ATP2B4: variants seen among roughly 807,000 people sequenced by gnomAD.
The protein encoded by ATP2B4 is ATPase plasma membrane Ca2+ transporting 4, also known as plasma membrane calcium-transporting ATPase 4.
A neutral mutation model predicts 110.3 loss-of-function variants in ATP2B4; 39 were observed. The ratio of observed to expected loss-of-function variants is 0.35; its 90% CI spans 0.27 to 0.46. ATP2B4 has a LOEUF of 0.46. Ranked by LOEUF, ATP2B4 falls within the 20% of genes least tolerant of loss-of-function variation. The pLI, the probability that ATP2B4 is intolerant of heterozygous loss-of-function variation, is 1.00. For missense variants in ATP2B4, 1,135 were observed against 1,530.9 expected (o/e 0.74, Z 4.32); for synonymous variants, 538 against 571.7 (o/e 0.94, Z 0.84).
At chr1:203,699,398 C>A in intron 3 of ATP2B4, 62 bp from the exon 4 acceptor site, 1 of 1,592,038 alleles carries the variant, frequency 6.3e-7, no homozygotes, top group South Asian at 1.1e-5. Context: ...GGAAGCACTA[C>A]TCCTATTTCT....
intron 10 of ATP2B4, among the ~76,000 whole-genome samples, chr1:203,708,490 G>A (rs1479121112): frequency 3.3e-5 from 5 of 152,118 alleles, no homozygotes; most frequent in South Asian, 2.1e-4. Flanking sequence ...TACCACTAGA[G>A]CAAACTACAA....
intron 1 of ATP2B4, among the ~76,000 whole-genome samples, chr1:203,628,350 G>A (rs1663153477): frequency 6.6e-6 from 1 of 152,182 alleles, no homozygotes; most frequent in Non-Finnish European, 1.5e-5. Context: ...GGAGGGTGCA[G>A]GAGTGGCCAG....
At chr1:203,719,785 T>C (rs937163665) in intron 15 of ATP2B4, among the ~76,000 whole-genome samples, 10 of 151,740 alleles carry the variant, frequency 6.6e-5, no homozygotes, top group African/African-American at 2.4e-4. Flanking sequence ...CCCCCTTAGA[T>C]AAGTGATACC....
chr1:203,720,808 C>CGGTGTGTTTACTGAAGAG, intron 16 of ATP2B4, 68 bp downstream of exon 16: 1 of 1,512,202 alleles, frequency 6.6e-7, no homozygotes, highest in South Asian at 1.3e-5. Flanking sequence ...GGAGTGAAGA[C>CGGTGTGTTTACTGAAGAG]TACGGTGTGT....
intron 1 of ATP2B4, among the ~76,000 whole-genome samples, chr1:203,632,447 C>T (rs952499642): frequency 4.6e-5 from 7 of 151,520 alleles, no homozygotes; most frequent in South Asian, 2.1e-4. Flanking sequence ...GGGTTCACGC[C>T]ATTCTCCTGC....
chr1:203,634,688 C>A (rs1290229683), intron 1 of ATP2B4, among the ~76,000 whole-genome samples: 1 of 151,734 alleles, frequency 6.6e-6, no homozygotes, highest in Non-Finnish European at 1.5e-5. Flanking sequence ...TTTTTGAGAC[C>A]GGGTCTTGCT....
At position 203,738,268 on chromosome 1, in the gene ATP2B4, G is replaced by A. The variant is rs114957860; in HGVS notation, c.3310-1278G>A. Among the ~76,000 whole-genome samples, 1,114 of 151,806 alleles carry A rather than the reference G, an allele frequency of 7.3e-3. 22 individuals are homozygous for A. Among genetic ancestry groups the A allele is most frequent in the African/African-American group, 0.026 (1,067 of 41,326 alleles). On this transcript the variant is annotated intron_variant, in intron 20 of 20. Coordinates refer to ENST00000357681, the MANE Select transcript of ATP2B4 (RefSeq NM_001684.5). Reference sequence around the variant, plus strand: ...CCCTGGCCCCTCTCTCCAACTTCTCGGAGCTCCAACCCTCTCCCCCTACCC... The same window carrying A: ...CCCTGGCCCCTCTCTCCAACTTCTCAGAGCTCCAACCCTCTCCCCCTACCC...
At chr1:203,696,348 G>C (rs551439274) in intron 2 of ATP2B4, among the ~76,000 whole-genome samples, 1 of 152,114 alleles carries the variant, frequency 6.6e-6, no homozygotes, top group African/African-American at 2.4e-5. Flanking sequence ...TGTAAAGAAG[G>C]CCTCTGGCAT....
At chr1:203,662,127 C>T (rs1664356691) in intron 1 of ATP2B4, among the ~76,000 whole-genome samples, 1 of 151,992 alleles carries the variant, frequency 6.6e-6, no homozygotes, top group Non-Finnish European at 1.5e-5. Context: ...GGTTTCACAC[C>T]ATTCTCCTGC....
chr1:203,630,223 C>A (rs1340955214), intron 1 of ATP2B4, among the ~76,000 whole-genome samples: 1 of 152,132 alleles, frequency 6.6e-6, no homozygotes, highest in African/African-American at 2.4e-5. Flanking sequence ...CTCCCACTAA[C>A]CGGAGGTCCC....
At chr1:203,632,730 C>A (rs1416860658) in intron 1 of ATP2B4, among the ~76,000 whole-genome samples, 1 of 147,276 alleles carries the variant, frequency 6.8e-6, no homozygotes, top group African/African-American at 2.5e-5. Context: ...ACAAAGAAAT[C>A]TTGACCTTTA....
chr1:203,734,303 C>CAA (rs540243669), intron 20 of ATP2B4, among the ~76,000 whole-genome samples: 1 of 126,226 alleles, frequency 7.9e-6, no homozygotes, highest in African/African-American at 3.0e-5. Context: ...GACTCTGTCT[C>CAA]AAAAAAAAAA....
intron 6 of ATP2B4, 124 bp downstream of exon 6, chr1:203,701,047 T>C: frequency 2.3e-6 from 3 of 1,291,668 alleles, no homozygotes; most frequent in Non-Finnish European, 3.1e-6. Flanking sequence ...AAAGCAGATA[T>C]CCAAACTCCT....
intron 2 of ATP2B4, among the ~76,000 whole-genome samples, chr1:203,690,552 A>G (rs897241432): frequency 6.6e-6 from 1 of 152,174 alleles, no homozygotes; most frequent in Non-Finnish European, 1.5e-5. Flanking sequence ...TGTGAGAGGA[A>G]GATGGGCAAC....
Position 203,722,472 on chromosome 1 carries a change from C to A in ATP2B4, c.2813-6C>A. The A allele has an allele frequency of 1.2e-6, 2 of 1,609,044 alleles. No homozygotes were observed. Among genetic ancestry groups the A allele is most frequent in the Non-Finnish European group, 8.5e-7 (1 of 1,175,382 alleles). Reference sequence around the variant, plus strand: ...TAACCTCCAGTGCTTCTCCTCTCCCCACTAGGTGAGAAATTCTTTGATATT... The same window carrying A: ...TAACCTCCAGTGCTTCTCCTCTCCCAACTAGGTGAGAAATTCTTTGATATT... On this transcript the variant is annotated splice_region_variant and splice_polypyrimidine_tract_variant and intron_variant, in intron 17 of 20. Transcript: ENST00000357681.
intron 18 of ATP2B4, among the ~76,000 whole-genome samples, chr1:203,722,965 A>G (rs1034344526): frequency 5.3e-5 from 8 of 152,148 alleles, no homozygotes; most frequent in Non-Finnish European, 7.3e-5. Context: ...ATACACAGAA[A>G]TTTCACAGAA....
intron 20 of ATP2B4, among the ~76,000 whole-genome samples, chr1:203,736,231 G>A (rs1397277563): frequency 7.2e-5 from 11 of 152,140 alleles, no homozygotes; most frequent in African/African-American, 1.2e-4. Context: ...TTGGGAGGCC[G>A]AGGCAGGTGG....
chr1:203,633,099 CAGA>C (rs1432430280), intron 1 of ATP2B4, among the ~76,000 whole-genome samples: 1 of 152,144 alleles, frequency 6.6e-6, no homozygotes, highest in Non-Finnish European at 1.5e-5. Flanking sequence ...TGTGTTGTGC[CAGA>C]AACTAGAGCA....
intron 1 of ATP2B4, among the ~76,000 whole-genome samples, chr1:203,639,585 T>G (rs1424681148): frequency 1.3e-5 from 2 of 152,186 alleles, no homozygotes; most frequent in Admixed American, 6.5e-5. Flanking sequence ...TAGATATCAT[T>G]GCAGGGCAGC....
Sources: allele counts gnomAD v4.1 joint callset (sites outside exome capture counted in the v4.1 genomes callset), GRCh38; gene constraint gnomAD v4.1.1; transcripts MANE v1.5; gene names NCBI Gene and HGNC (gene_info 2026-07-23, HGNC 2026-07-21).